The following TASP1 variants were observed in gnomAD, a reference collection of about 807,000 sequenced individuals.
The protein encoded by TASP1 is threonine aspartase 1.
Under a neutral mutation model 56.6 loss-of-function variants are expected in TASP1, and 16 were observed. The ratio of observed to expected loss-of-function variants is 0.28; its 90% confidence interval spans 0.19 to 0.43. The LOEUF is 0.43. TASP1 is among the 20% of genes least tolerant of loss of function. The pLI is 1.00. For missense variants in TASP1, 393 were observed against 511.6 expected (o/e 0.77, Z 2.24); for synonymous variants, 179 against 184.2 (o/e 0.97, Z 0.23).
At chr20:13,280,905 T>C in the TASP1 span, among the ~76,000 whole-genome samples, 1 of 152,232 alleles carries the variant, frequency 6.6e-6, no homozygotes, top group Non-Finnish European at 1.5e-5. Flanking sequence ...AATGCACCCA[T>C]CGTCATGATT....
intron 8 of TASP1, among the ~76,000 whole-genome samples, chr20:13,538,529 A>C (rs2045499831): frequency 6.6e-6 from 1 of 152,202 alleles, no homozygotes; most frequent in Non-Finnish European, 1.5e-5. Context: ...CAGCATTATA[A>C]CTGGCATGAG....
the TASP1 span, among the ~76,000 whole-genome samples, chr20:13,311,216 TGATA>T: frequency 4.6e-3 from 611 of 133,290 alleles, 1 homozygote; most frequent in Non-Finnish European, 5.4e-3. Flanking sequence ...TATAGATAGA[TGATA>T]GATAGATAGA....
chr20:13,206,446 C>A, the TASP1 span, among the ~76,000 whole-genome samples: 5 of 151,984 alleles, frequency 3.3e-5, no homozygotes. Context: ...GACACAAATA[C>A]CCCCAAGTTC....
At chr20:13,294,680 G>A in the TASP1 span, among the ~76,000 whole-genome samples, 1 of 152,138 alleles carries the variant, frequency 6.6e-6, no homozygotes, top group Non-Finnish European at 1.5e-5. Context: ...CAAGCAGAGT[G>A]GAAGGATTGA....
chr20:13,603,021 A>G (rs2048020529), intron 4 of TASP1, among the ~76,000 whole-genome samples: 1 of 151,966 alleles, frequency 6.6e-6, no homozygotes, highest in Non-Finnish European at 1.5e-5. Flanking sequence ...ACCTGAGGTC[A>G]GGAGTTCAAG....
At chr20:13,583,422 T>C (rs2047193245) in intron 5 of TASP1, among the ~76,000 whole-genome samples, 1 of 152,240 alleles carries the variant, frequency 6.6e-6, no homozygotes, top group South Asian at 2.1e-4. Context: ...CTTCTTTGGG[T>C]ATTCTCTCTC....
At chr20:13,544,436 TG>T (rs1169418941) in intron 8 of TASP1, among the ~76,000 whole-genome samples, 5 of 152,200 alleles carry the variant, frequency 3.3e-5, no homozygotes, top group Admixed American at 1.3e-4. Flanking sequence ...CACCACTGTC[TG>T]GGAAATATAT....
chr20:13,491,413 C>T (rs1011140040), intron 10 of TASP1, among the ~76,000 whole-genome samples: 1 of 152,164 alleles, frequency 6.6e-6, no homozygotes, highest in Non-Finnish European at 1.5e-5. Context: ...AAGGGGAAAG[C>T]AAAGTTTCCC....
intron 4 of TASP1, among the ~76,000 whole-genome samples, chr20:13,607,548 A>T (rs577932812): frequency 8.5e-5 from 13 of 152,188 alleles, no homozygotes; most frequent in Non-Finnish European, 1.5e-4. Context: ...CACATTATAA[A>T]ATCATTTTTA....
At chr20:13,585,385 A>C (rs1177573189) in intron 5 of TASP1, among the ~76,000 whole-genome samples, 1 of 152,180 alleles carries the variant, frequency 6.6e-6, no homozygotes, top group Non-Finnish European at 1.5e-5. Flanking sequence ...TCATCAAAAA[A>C]CACCATTAAG....
the TASP1 span, among the ~76,000 whole-genome samples, chr20:13,379,187 T>C: frequency 6.6e-6 from 1 of 152,232 alleles, no homozygotes; most frequent in African/African-American, 2.4e-5. Flanking sequence ...CTTTACAATT[T>C]GATATGTTTT....
chr20:13,629,954 C>T lies in TASP1; in HGVS notation c.125G>A (p.Gly42Asp). 6.2e-7 allele frequency: 1 copy of T among 1,613,700 alleles called. No homozygotes were observed. The highest frequency in any genetic ancestry group is 2.2e-5 in the East Asian group (1 of 44,854). ...TKQSYKEKRGGFVLVHAGAGY... is the reference protein window; with the variant it reads ...TKQSYKEKRGDFVLVHAGAGY... ...CTTACCTGCATGCACCAACACAAAG[C>T]CTCCTCGTTTCTCTTTATAGGACTG... Residue 42 changes from glycine to aspartate, a missense_variant, in exon 2 of 14, where the codon GGC (glycine) becomes GAC (aspartate). Gly to Asp is a moderately conservative substitution (Grantham distance 94). Around this residue, in one of 3 missense-constraint regions of TASP1, gnomAD observed 52 missense variants for 51.1 expected, o/e 1.02. Transcript: ENST00000337743.
the TASP1 span, among the ~76,000 whole-genome samples, chr20:13,318,395 T>C: frequency 6.6e-6 from 1 of 152,194 alleles, no homozygotes; most frequent in Admixed American, 6.5e-5. Flanking sequence ...CAAAATGGCG[T>C]GACCACTTTG....
At chr20:13,572,301 T>C (rs1213523837) in intron 6 of TASP1, among the ~76,000 whole-genome samples, 2 of 152,218 alleles carry the variant, frequency 1.3e-5, no homozygotes, top group African/African-American at 4.8e-5. Flanking sequence ...TTCCTTGTGT[T>C]ATACCCATCT....
At chr20:13,458,800 C>G (rs1050163319) in intron 11 of TASP1, among the ~76,000 whole-genome samples, 1 of 152,156 alleles carries the variant, frequency 6.6e-6, no homozygotes, top group African/African-American at 2.4e-5. Context: ...AACAACTGAT[C>G]TGGGGACAAG....
chr20:13,584,468 C>G (rs1212772650), intron 5 of TASP1, among the ~76,000 whole-genome samples: 1 of 152,068 alleles, frequency 6.6e-6, no homozygotes, highest in South Asian at 2.1e-4. Context: ...GGCCTTCAAA[C>G]ACACGAAATT....
chr20:13,406,902 G>T (rs984750134), intron 13 of TASP1, among the ~76,000 whole-genome samples: 4 of 152,012 alleles, frequency 2.6e-5, no homozygotes, highest in Admixed American at 2.6e-4. Flanking sequence ...TCCTGACCTG[G>T]TGATCTGCCC....
chr20:13,630,394 A>G (rs2049039171), intron 1 of TASP1, among the ~76,000 whole-genome samples: 1 of 152,208 alleles, frequency 6.6e-6, no homozygotes, highest in African/African-American at 2.4e-5. Flanking sequence ...GTCCACTGAT[A>G]GTACCTGCTT....
intron 11 of TASP1, among the ~76,000 whole-genome samples, chr20:13,481,039 T>C (rs2146498978): frequency 6.6e-6 from 1 of 152,198 alleles, no homozygotes; most frequent in South Asian, 2.1e-4. Flanking sequence ...CATCAAATAG[T>C]AGGGTCTTAT....
Sources: allele counts gnomAD v4.1 joint callset (sites outside exome capture counted in the v4.1 genomes callset), GRCh38; gene constraint gnomAD v4.1.1; regional missense constraint gnomAD v4.1.1; transcripts MANE v1.5; gene names NCBI Gene and HGNC (gene_info 2026-07-23, HGNC 2026-07-21).